Variants in POLH observed in about 807,000 individuals in gnomAD.
POLH encodes the protein DNA polymerase eta, also known as DNA polymerase eta transcript.
In POLH, 53 loss-of-function variants were observed where a neutral mutation model predicts 73.6. That is an observed-to-expected ratio of 0.72 (90% CI 0.58 to 0.91). The LOEUF (loss-of-function observed/expected upper bound fraction) is 0.91. Ranked by LOEUF, POLH falls within the 40% of genes least tolerant of loss-of-function variation. The pLI is 0.00. For synonymous variants in POLH, 292 were observed against 308.5 expected (o/e 0.95, Z 0.56); for missense variants, 768 against 865.4 (o/e 0.89, Z 1.41).
At chr6:43,595,940 T>C (rs1765999752) in intron 4 of POLH, among the ~76,000 whole-genome samples, 1 of 151,934 alleles carries the variant, frequency 6.6e-6, no homozygotes, top group Admixed American at 6.6e-5. Flanking sequence ...TTTAAAATAA[T>C]GTATACTAGT....
chr6:43,578,543 T>C (rs947936112), intron 1 of POLH: 2 of 331,842 alleles, frequency 6.0e-6, no homozygotes, highest in South Asian at 2.4e-5. Flanking sequence ...AAAAGTGTCA[T>C]GGTCATGAAA....
At position 43,614,010 on chromosome 6, in the gene POLH, T is replaced by G. The variant is rs759927957; in HGVS notation, c.1595T>G (p.Phe532Cys). 2 of 1,614,134 alleles carry G rather than the reference T, an allele frequency of 1.2e-6. No individual in the cohort carries two copies. Among genetic ancestry groups the G allele is most frequent in the South Asian group, 1.1e-5 (1 of 91,090 alleles). Residue 532 changes from phenylalanine (F) to cysteine (C), a missense_variant, in exon 11 of 11, where the codon TTT becomes TGT. Transcript: ENST00000372236. ...CAAAGTACAGGAACTGAGCCCTTCTTTAAGCAGAAAAGTCTGCTTCTAAAG... is the reference window on the plus strand; with the variant it reads ...CAAAGTACAGGAACTGAGCCCTTCTGTAAGCAGAAAAGTCTGCTTCTAAAG... ...TSQSTGTEPF[F>C]KQKSLLLKQK...
chr6:43,587,311 T>C lies in POLH; in HGVS notation c.312T>C (p.Ser104=). ...EASVEVMEIM[S]RFAVIERASI... ...GTGTTGAAGTGATGGAGATAATGTC[T>C]CGTTTTGCTGTGATTGAACGTGCCA... Residue 104 remains serine (S), a synonymous_variant, in exon 4 of 11, where the codon TCT becomes TCC. Coordinates refer to ENST00000372236, the MANE Select transcript of POLH (RefSeq NM_006502.3). 1.2e-6 allele frequency: 2 copies of C among 1,614,148 alleles called. No homozygotes were observed. Among genetic ancestry groups the C allele is most frequent in the Non-Finnish European group, 1.7e-6 (2 of 1,179,974 alleles).
At chr6:43,612,755 T>C (rs979969200) in intron 10 of POLH, among the ~76,000 whole-genome samples, 1 of 152,106 alleles carries the variant, frequency 6.6e-6, no homozygotes, top group Non-Finnish European at 1.5e-5. Context: ...ATGTGAAAAT[T>C]TGAGTGATTA....
In POLH at chr6:43,618,923, G is replaced by C. The variant is rs1237643336; in HGVS notation, c.*4366G>C. Among the ~76,000 whole-genome samples, 2 of 147,792 alleles carry C rather than the reference G, an allele frequency of 1.4e-5. No individual in the cohort carries two copies. Among genetic ancestry groups the C allele is most frequent in the African/African-American group, 5.0e-5 (2 of 40,188 alleles). Reference sequence around the variant, plus strand: ...TGGGATTACAGGCCTGAGCCACCAGGCCAGCCCCAACTTCTACTTTTTATT... The same window carrying C: ...TGGGATTACAGGCCTGAGCCACCAGCCCAGCCCCAACTTCTACTTTTTATT... On this transcript the variant is annotated 3_prime_UTR_variant, in exon 11 of 11. Transcript: ENST00000372236.
intron 4 of POLH, chr6:43,588,084 C>G (rs1765031597): frequency 6.0e-6 from 1 of 165,680 alleles, no homozygotes. Flanking sequence ...TCATTGGTAG[C>G]TTAATTTATA....
At chr6:43,577,755 C>T (rs1024656108) in intron 1 of POLH, among the ~76,000 whole-genome samples, 1 of 152,136 alleles carries the variant, frequency 6.6e-6, no homozygotes, top group African/African-American at 2.4e-5. Context: ...GTCTTGGCTC[C>T]CAAACTGCTG....
chr6:43,580,768 A>AC (rs1260405831), intron 1 of POLH, among the ~76,000 whole-genome samples: 28 of 103,212 alleles, frequency 2.7e-4, no homozygotes, highest in African/African-American at 9.4e-4. Context: ...CGGGGGGCCG[A>AC]CCCCCCCACC....
chr6:43,604,082 C>CT, intron 7 of POLH, 71 bp downstream of exon 7: 2 of 1,250,680 alleles, frequency 1.6e-6, no homozygotes, highest in South Asian at 2.4e-5. Flanking sequence ...ACAAAACCAT[C>CT]TAGTAAAATC....
At chr6:43,609,003 G>T (rs1767597133) in intron 9 of POLH, among the ~76,000 whole-genome samples, 1 of 152,012 alleles carries the variant, frequency 6.6e-6, no homozygotes, top group African/African-American at 2.4e-5. Context: ...TCTTACTTTA[G>T]CACTTCCCGT....
chr6:43,611,617 G>C (rs1264058475), intron 10 of POLH, among the ~76,000 whole-genome samples: 2 of 152,044 alleles, frequency 1.3e-5, no homozygotes. Context: ...TTATGAGAGA[G>C]AGGTAAGTCA....
chr6:43,608,083 T>C (rs540807157), intron 9 of POLH, among the ~76,000 whole-genome samples: 7 of 152,116 alleles, frequency 4.6e-5, no homozygotes, highest in Non-Finnish European at 7.4e-5. Context: ...TGAGCCGAGA[T>C]TGCGCCATTG....
rs996939953 is a variant in POLH at position 43,615,700 on chromosome 6, G to A, written c.*1143G>A. On this transcript the variant is annotated 3_prime_UTR_variant, in exon 11 of 11. Coordinates refer to ENST00000372236, the MANE Select transcript of POLH (RefSeq NM_006502.3). Reference sequence around the variant, plus strand: ...TTTTATTTTTTATTTTTGAGACGGAGTCTCCCTCTGTCGTCAGGCTAGAAT... The same window carrying A: ...TTTTATTTTTTATTTTTGAGACGGAATCTCCCTCTGTCGTCAGGCTAGAAT... 1.3e-5 allele frequency: 2 copies of A among 151,440 alleles called. No homozygotes were observed. The highest frequency in any genetic ancestry group is 2.0e-4 in the East Asian group (1 of 5,098). The allele number at this position is 151,440 out of a possible 1,614,324, so 9.4% of individuals were successfully genotyped here. A position where few individuals can be genotyped will look rare whatever the true frequency, so the allele number is the denominator to read the frequency against.
chr6:43,608,864 G>C (rs78897942), intron 9 of POLH, among the ~76,000 whole-genome samples: 2,526 of 152,302 alleles, frequency 0.017, 82 homozygotes, highest in African/African-American at 0.057. Flanking sequence ...TTTTTTAAAA[G>C]TAATTCTATA....
chr6:43,588,938 C>T (rs913018822), intron 4 of POLH, among the ~76,000 whole-genome samples: 6 of 150,652 alleles, frequency 4.0e-5, no homozygotes, highest in Non-Finnish European at 8.8e-5. Context: ...CCCGGGTTCA[C>T]GCCATTCTCC....
chr6:43,610,515 C>G lies in POLH; in HGVS notation c.1075-39C>G, dbSNP rs781593428. On this transcript the variant is annotated intron_variant, in intron 9 of 10. Coordinates refer to ENST00000372236, the MANE Select transcript of POLH (RefSeq NM_006502.3). ...CAGTACCTAGAATTCAGATGCTCCTCATAACTTTATTTCTGGTCTCCATCC... is the reference window on the plus strand; with the variant it reads ...CAGTACCTAGAATTCAGATGCTCCTGATAACTTTATTTCTGGTCTCCATCC... The G allele has an allele frequency of 2.5e-6, 4 of 1,579,632 alleles. No homozygotes were observed. In the South Asian group the frequency reaches 4.4e-5, roughly 17 times the overall value.
Position 43,618,033 on chromosome 6 carries a change from G to C in POLH, c.*3476G>C, listed in dbSNP as rs6929140. 6.6e-6 allele frequency among the ~76,000 whole-genome samples: 1 copy of C among 152,326 alleles called. No individual in the cohort carries two copies. The highest frequency in any genetic ancestry group is 1.5e-5 in the Non-Finnish European group (1 of 68,030). On this transcript the variant is annotated 3_prime_UTR_variant, in exon 11 of 11. Transcript: ENST00000372236. Reference sequence around the variant, plus strand: ...TAAGCCCTTAAGTACAAATTTAAGAGGTAAGTGCTTCAGCCATTAGGGTTA... The same window carrying C: ...TAAGCCCTTAAGTACAAATTTAAGACGTAAGTGCTTCAGCCATTAGGGTTA...
At chr6:43,600,434 C>T (rs571166318) in intron 5 of POLH, among the ~76,000 whole-genome samples, 1 of 150,818 alleles carries the variant, frequency 6.6e-6, no homozygotes, top group Non-Finnish European at 1.5e-5. Flanking sequence ...AAAAAAAGTT[C>T]TCAAGGATTT....
intron 1 of POLH, among the ~76,000 whole-genome samples, chr6:43,577,302 C>G (rs1763470588): frequency 6.6e-6 from 1 of 152,226 alleles, no homozygotes; most frequent in African/African-American, 2.4e-5. Flanking sequence ...AAATTGTGTG[C>G]TGAACATAAA....
Sources: gnomAD v4.1 joint callset for allele counts (sites outside exome capture counted in the v4.1 genomes callset) on GRCh38, gnomAD v4.1.1 for gene constraint, MANE v1.5 for transcripts, NCBI Gene and HGNC (gene_info 2026-07-23, HGNC 2026-07-21) for gene names.